DYNC1I1: variants seen among roughly 807,000 people sequenced by gnomAD.
DYNC1I1 encodes the protein dynein cytoplasmic 1 intermediate chain 1.
A neutral mutation model predicts 86.6 loss-of-function variants in DYNC1I1; 43 were observed. The observed-to-expected ratio is 0.50, with a 90% CI of 0.39 to 0.64. The LOEUF (loss-of-function observed/expected upper bound fraction) is 0.64. Ranked by LOEUF, DYNC1I1 falls within the 30% of genes least tolerant of loss-of-function variation. The pLI is 0.00. For synonymous variants in DYNC1I1, 262 were observed against 283.7 expected (o/e 0.92, Z 0.77); for missense variants, 604 against 788.8 (o/e 0.77, Z 2.81).
At chr7:95,915,684 A>G (rs1791450673) in intron 6 of DYNC1I1, among the ~76,000 whole-genome samples, 1 of 152,206 alleles carries the variant, frequency 6.6e-6, no homozygotes. Context: ...AAAGTCATAA[A>G]TTCACAGAAT....
chr7:96,018,358 A>G (rs1016774094), intron 10 of DYNC1I1, among the ~76,000 whole-genome samples: 2 of 152,212 alleles, frequency 1.3e-5, no homozygotes, highest in Non-Finnish European at 2.9e-5. Flanking sequence ...GCCACTTACT[A>G]TTAATTTGAT....
chr7:95,783,467 A>G (rs2115665361), intron 1 of DYNC1I1, among the ~76,000 whole-genome samples: 1 of 152,302 alleles, frequency 6.6e-6, no homozygotes, highest in East Asian at 1.9e-4. Flanking sequence ...TAATAGAGGG[A>G]AAATAGAATA....
chr7:95,785,667 A>G (rs913804737), intron 1 of DYNC1I1, among the ~76,000 whole-genome samples: 3 of 150,994 alleles, frequency 2.0e-5, no homozygotes, highest in Non-Finnish European at 4.4e-5. Context: ...ATTGTATATA[A>G]TTAACAAAAT....
intron 10 of DYNC1I1, among the ~76,000 whole-genome samples, chr7:96,008,432 G>A (rs1244423127): frequency 1.1e-4 from 16 of 151,996 alleles, no homozygotes; most frequent in Admixed American, 1.0e-3. Flanking sequence ...GCACTTGAAA[G>A]GTTATCCATT....
At chr7:96,091,500 T>C (rs982118324) in intron 16 of DYNC1I1, among the ~76,000 whole-genome samples, 2 of 152,170 alleles carry the variant, frequency 1.3e-5, no homozygotes, top group African/African-American at 4.8e-5. Flanking sequence ...CCATACTTCA[T>C]GTATCTGAGA....
At chr7:96,102,898 C>T (rs1349359535), downstream of DYNC1I1, among the ~76,000 whole-genome samples, 1 of 152,140 alleles carries the variant, frequency 6.6e-6, no homozygotes, top group Non-Finnish European at 1.5e-5. Flanking sequence ...AGGATATAAA[C>T]TTAACTACAC....
In DYNC1I1 at chr7:96,009,883, G is replaced by A. The variant is rs1340072561; in HGVS notation, c.969+13810G>A. Among the ~76,000 whole-genome samples the A allele has an allele frequency of 2.6e-5, 4 of 151,516 alleles. No individual in the cohort carries two copies. In the East Asian group the frequency reaches 5.9e-4, roughly 22 times the overall value. On this transcript the variant is annotated intron_variant, in intron 10 of 16. Coordinates refer to ENST00000447467, the MANE Select transcript of DYNC1I1 (RefSeq NM_001135556.2). ...CAACCTCCGCCTCTCGGGTTCAAGC[G>A]ATTCTCCTGCCTCAGCCTCCCAAGT...
intron 16 of DYNC1I1, among the ~76,000 whole-genome samples, chr7:96,091,214 G>A (rs192832847): frequency 6.6e-6 from 1 of 152,206 alleles, no homozygotes; most frequent in Admixed American, 6.5e-5. Flanking sequence ...GGAAACCGAT[G>A]TACATTTCCA....
chr7:95,830,271 TA>T (rs1401517474), intron 5 of DYNC1I1, among the ~76,000 whole-genome samples: 1 of 152,146 alleles, frequency 6.6e-6, no homozygotes, highest in Non-Finnish European at 1.5e-5. Context: ...TTTTGACATG[TA>T]TGCACATCCA....
At chr7:95,796,335 G>A (rs1794435009) in intron 1 of DYNC1I1, among the ~76,000 whole-genome samples, 1 of 151,898 alleles carries the variant, frequency 6.6e-6, no homozygotes, top group Admixed American at 6.6e-5. Flanking sequence ...TCTTGACGGA[G>A]TTTCACTCTT....
chr7:96,013,220 A>C (rs1794319590), intron 10 of DYNC1I1, among the ~76,000 whole-genome samples: 1 of 152,124 alleles, frequency 6.6e-6, no homozygotes, highest in Non-Finnish European at 1.5e-5. Flanking sequence ...GTGATGTGAG[A>C]GAGAGACTTG....
At chr7:96,024,520 C>G (rs1794630028) in intron 10 of DYNC1I1, among the ~76,000 whole-genome samples, 1 of 152,106 alleles carries the variant, frequency 6.6e-6, no homozygotes, top group African/African-American at 2.4e-5. Flanking sequence ...CATATATATT[C>G]TTACAGTATA....
At chr7:95,958,068 T>C (rs1792765869) in intron 6 of DYNC1I1, among the ~76,000 whole-genome samples, 1 of 152,148 alleles carries the variant, frequency 6.6e-6, no homozygotes, top group East Asian at 1.9e-4. Flanking sequence ...TTGTAGGATA[T>C]TTAGCAGCAT....
At chr7:95,975,277 T>C (rs572145070) in intron 6 of DYNC1I1, among the ~76,000 whole-genome samples, 1 of 152,346 alleles carries the variant, frequency 6.6e-6, no homozygotes, top group East Asian at 1.9e-4. Context: ...ACAAACTGGC[T>C]GTTTAAACAA....
intron 10 of DYNC1I1, among the ~76,000 whole-genome samples, chr7:96,015,943 T>C (rs1469018145): frequency 6.6e-6 from 1 of 152,202 alleles, no homozygotes; most frequent in Non-Finnish European, 1.5e-5. Context: ...AGTTTATCAA[T>C]AGAACCACCA....
chr7:96,036,451 A>C (rs1165989491), intron 13 of DYNC1I1, among the ~76,000 whole-genome samples: 1 of 152,226 alleles, frequency 6.6e-6, no homozygotes, highest in African/African-American at 2.4e-5. Flanking sequence ...AAATTAAAGT[A>C]GAATAAGTGG....
intron 6 of DYNC1I1, among the ~76,000 whole-genome samples, chr7:95,960,443 C>T (rs56359651): frequency 0.033 from 4,989 of 152,214 alleles, 220 homozygotes; most frequent in African/African-American, 0.099. Flanking sequence ...TGGCATGTCC[C>T]AATTTTTATT....
chr7:95,871,019 G>C (rs1478668147), intron 6 of DYNC1I1, among the ~76,000 whole-genome samples: 2 of 152,120 alleles, frequency 1.3e-5, no homozygotes, highest in Admixed American at 6.6e-5. Flanking sequence ...AAAATGATTA[G>C]CATTTCCCCC....
At position 95,984,748 on chromosome 7, in the gene DYNC1I1, T is replaced by C. The variant is rs1359543260; in HGVS notation, c.581-67T>C. 10 of 1,486,170 alleles carry C rather than the reference T, an allele frequency of 6.7e-6. No individual in the cohort carries two copies. In the Admixed American group the frequency reaches 2.4e-4, roughly 36 times the overall value. 92.1% of individuals were successfully genotyped at this position (1,486,170 alleles called of 1,614,324 possible). A position where few individuals can be genotyped will look rare whatever the true frequency, so the allele number is the denominator to read the frequency against. ...TCTCTCTCAAGAATTGGGTTCCTCT[T>C]GATAAGTTTTAATTGTCACTTTTTC... On this transcript the variant is annotated intron_variant, in intron 7 of 16. Coordinates refer to ENST00000447467, the MANE Select transcript of DYNC1I1 (RefSeq NM_001135556.2).
Sources: allele counts gnomAD v4.1 joint callset (sites outside exome capture counted in the v4.1 genomes callset), GRCh38; gene constraint gnomAD v4.1.1; transcripts MANE v1.5; gene names NCBI Gene and HGNC (gene_info 2026-07-23, HGNC 2026-07-21).